The following COMMD1 variants were observed in gnomAD, a reference collection of about 807,000 sequenced individuals.
COMMD1 encodes the protein copper metabolism domain containing 1.
COMMD1 carries 10 observed loss-of-function variants against 17.2 expected under a neutral mutation model. The ratio of observed to expected loss-of-function variants is 0.58; its 90% CI spans 0.36 to 0.99. COMMD1 has a LOEUF of 0.99. Ranked by LOEUF, COMMD1 falls within the 50% of genes least tolerant of loss-of-function variation. COMMD1 has a pLI of 0.01. For synonymous variants in COMMD1, 97 were observed against 91.6 expected (o/e 1.06, Z -0.34); for missense variants, 270 against 231.8 (o/e 1.17, Z -1.07).
chr2:61,922,469 T>C (rs7568820), intron 1 of COMMD1, among the ~76,000 whole-genome samples: 138,742 of 152,210 alleles, frequency 0.91, 63,370 homozygotes, highest in East Asian at 1. Flanking sequence ...AGGCGTGAGC[T>C]ACTATGCCTG....
intron 2 of COMMD1, among the ~76,000 whole-genome samples, chr2:62,038,470 A>G (rs1051343073): frequency 3.3e-5 from 5 of 151,648 alleles, no homozygotes; most frequent in African/African-American, 1.2e-4. Context: ...TCTTTTTTCC[A>G]ATTTTCTGTT....
At chr2:61,995,802 G>T (rs765718122) in intron 1 of COMMD1, among the ~76,000 whole-genome samples, 1 of 152,172 alleles carries the variant, frequency 6.6e-6, no homozygotes, top group Admixed American at 6.5e-5. Context: ...AGAGTGAAGA[G>T]CACTATAATA....
chr2:62,122,444 C>CTTTTTTTT (rs372131423), intron 2 of COMMD1, among the ~76,000 whole-genome samples: 1 of 126,896 alleles, frequency 7.9e-6, no homozygotes, highest in African/African-American at 2.8e-5. Context: ...TCTTTCTTTT[C>CTTTTTTTT]TTTTTTTTTT....
chr2:62,097,919 G>C (rs1672056109), intron 2 of COMMD1, among the ~76,000 whole-genome samples: 2 of 152,166 alleles, frequency 1.3e-5, no homozygotes, highest in African/African-American at 4.8e-5. Context: ...CCCTATTCTG[G>C]TTTTTGAGTT....
At chr2:61,895,248 T>C (rs903391506) in intron 1 of COMMD1, among the ~76,000 whole-genome samples, 4 of 152,154 alleles carry the variant, frequency 2.6e-5, no homozygotes, top group African/African-American at 9.7e-5. Context: ...GACAATAGTT[T>C]TTAGCTTTTC....
At chr2:61,975,365 T>C (rs1055939377) in intron 1 of COMMD1, among the ~76,000 whole-genome samples, 3 of 152,110 alleles carry the variant, frequency 2.0e-5, no homozygotes, top group Non-Finnish European at 4.4e-5. Context: ...TTTCAATTCA[T>C]TTGGGGAGGT....
At position 62,111,878 on chromosome 2, in the gene COMMD1, A is replaced by C. The variant is rs1463647350; in HGVS notation, c.463-23953A>C. ...TCCCTTTAGTTCAGAGCTTTCCAAGAGGTGCCATTTTTCAAGGTCTGTCTG... is the reference window on the plus strand; with the variant it reads ...TCCCTTTAGTTCAGAGCTTTCCAAGCGGTGCCATTTTTCAAGGTCTGTCTG... On this transcript the variant is annotated intron_variant, in intron 2 of 2. Coordinates refer to ENST00000311832, the MANE Select transcript of COMMD1 (RefSeq NM_152516.4). 2.6e-5 allele frequency among the ~76,000 whole-genome samples: 4 copies of C among 152,162 alleles called. No homozygotes were observed. In the South Asian group the frequency reaches 6.2e-4, roughly 24 times the overall value.
At chr2:62,117,557 T>A (rs73936037) in intron 2 of COMMD1, among the ~76,000 whole-genome samples, 8,396 of 152,216 alleles carry the variant, frequency 0.055, 775 homozygotes, top group African/African-American at 0.19. Flanking sequence ...TTTGAACAAA[T>A]TACTCCTTAT....
chr2:62,039,467 A>G (rs1317603932), intron 2 of COMMD1, among the ~76,000 whole-genome samples: 1 of 152,232 alleles, frequency 6.6e-6, no homozygotes, highest in East Asian at 1.9e-4. Flanking sequence ...AAGTGAGAAT[A>G]GCACATTGTG....
chr2:61,894,114 T>A (rs903674042), intron 1 of COMMD1, among the ~76,000 whole-genome samples: 2 of 152,218 alleles, frequency 1.3e-5, no homozygotes, highest in Non-Finnish European at 2.9e-5. Flanking sequence ...TTATTTATTT[T>A]TTTGAGATGG....
intron 1 of COMMD1, among the ~76,000 whole-genome samples, chr2:61,926,055 C>T (rs1670321991): frequency 6.6e-6 from 1 of 152,054 alleles, no homozygotes; most frequent in African/African-American, 2.4e-5. Context: ...ACTGCAACCT[C>T]TGCCTCCTGG....
chr2:61,928,399 G>T (rs1310434104), intron 1 of COMMD1, among the ~76,000 whole-genome samples: 1 of 152,060 alleles, frequency 6.6e-6, no homozygotes, highest in Non-Finnish European at 1.5e-5. Context: ...GGACTCAAGT[G>T]ATCCGCCCAC....
chr2:62,013,462 A>G (rs984914368), intron 2 of COMMD1, among the ~76,000 whole-genome samples: 2 of 152,132 alleles, frequency 1.3e-5, no homozygotes, highest in Non-Finnish European at 2.9e-5. Context: ...TCCTTTAAAA[A>G]CTTTTTTTAT....
At chr2:61,917,865 G>C (rs1009722970) in intron 1 of COMMD1, among the ~76,000 whole-genome samples, 10 of 152,198 alleles carry the variant, frequency 6.6e-5, no homozygotes, top group Non-Finnish European at 1.2e-4. Flanking sequence ...ATGTTAATAA[G>C]AAGTTAACTT....
At chr2:61,906,406 A>G (rs1457335632) in intron 1 of COMMD1, among the ~76,000 whole-genome samples, 1 of 152,254 alleles carries the variant, frequency 6.6e-6, no homozygotes, top group Non-Finnish European at 1.5e-5. Context: ...TTAGTAATAT[A>G]TCTTATTTAA....
intron 2 of COMMD1, among the ~76,000 whole-genome samples, chr2:62,027,608 C>T (rs1669793455): frequency 6.6e-6 from 1 of 150,948 alleles, no homozygotes; most frequent in African/African-American, 2.5e-5. Context: ...GCCTGCAAGT[C>T]CCTATGCCTT....
intron 1 of COMMD1, among the ~76,000 whole-genome samples, chr2:61,963,228 C>T (rs201393163): frequency 1.2e-4 from 17 of 146,666 alleles, no homozygotes; most frequent in African/African-American, 2.8e-4. Context: ...CACATATATA[C>T]ATATATACAC....
At chr2:62,030,630 T>G (rs1011494215) in intron 2 of COMMD1, among the ~76,000 whole-genome samples, 1 of 152,176 alleles carries the variant, frequency 6.6e-6, no homozygotes, top group African/African-American at 2.4e-5. Flanking sequence ...GAATTCTTCA[T>G]ATGTTGTTGT....
intron 1 of COMMD1, among the ~76,000 whole-genome samples, chr2:61,914,558 C>T (rs752636459): frequency 1.8e-4 from 28 of 151,796 alleles, no homozygotes; most frequent in Admixed American, 1.4e-3. Context: ...GGGCGACAGA[C>T]GGGACTCTGT....
Sources: allele counts gnomAD v4.1 joint callset (sites outside exome capture counted in the v4.1 genomes callset), GRCh38; gene constraint gnomAD v4.1.1; transcripts MANE v1.5; gene names NCBI Gene and HGNC (gene_info 2026-07-23, HGNC 2026-07-21).